Variants in MAPK4 observed in about 807,000 individuals in gnomAD.
MAPK4 encodes the protein Erk3-related.
MAPK4 carries 22 observed loss-of-function variants against 47.7 expected under a neutral mutation model. That is an observed-to-expected ratio of 0.46 (90% CI 0.33 to 0.66). The LOEUF is 0.66. Among genes scored for constraint, MAPK4 ranks in the 30% least tolerant of loss-of-function variants. The pLI, the probability that MAPK4 is intolerant of heterozygous loss-of-function variation, is 0.02. For synonymous variants in MAPK4, 390 were observed against 365.7 expected (o/e 1.07, Z -0.76); for missense variants, 736 against 831.7 (o/e 0.88, Z 1.42).
At chr18:50,727,674 C>G (rs1387129814) in intron 5 of MAPK4, among the ~76,000 whole-genome samples, 1 of 152,102 alleles carries the variant, frequency 6.6e-6, no homozygotes, top group Non-Finnish European at 1.5e-5. Flanking sequence ...AAAACTGTCA[C>G]AGGATTTGTT....
At chr18:50,683,998 T>C (rs1335576645) in intron 2 of MAPK4, among the ~76,000 whole-genome samples, 1 of 152,164 alleles carries the variant, frequency 6.6e-6, no homozygotes, top group East Asian at 1.9e-4. Flanking sequence ...TGGTCCCTTG[T>C]AGTCCTTCAT....
chr18:50,580,720 C>T (rs1253059220), intron 1 of MAPK4, among the ~76,000 whole-genome samples: 3 of 152,160 alleles, frequency 2.0e-5, no homozygotes, highest in Admixed American at 2.0e-4. Flanking sequence ...ACTGTTGGCC[C>T]TGCTCCGTGG....
chr18:50,718,513 C>T (rs1910758453), intron 3 of MAPK4, among the ~76,000 whole-genome samples: 1 of 152,190 alleles, frequency 6.6e-6, no homozygotes, highest in Non-Finnish European at 1.5e-5. Context: ...CCACTGCACC[C>T]AGCCTGCCAA....
At chr18:50,694,481 C>T (rs2144359658) in intron 2 of MAPK4, among the ~76,000 whole-genome samples, 1 of 152,354 alleles carries the variant, frequency 6.6e-6, no homozygotes, top group East Asian at 1.9e-4. Flanking sequence ...CTTGTATCTT[C>T]TCCATCCACC....
At chr18:50,633,057 T>G (rs534025968) in intron 1 of MAPK4, among the ~76,000 whole-genome samples, 1 of 152,356 alleles carries the variant, frequency 6.6e-6, no homozygotes, top group East Asian at 1.9e-4. Context: ...GGCTGTAGTC[T>G]GGATTCCTGG....
rs1908423560 is a variant in MAPK4, at chr18:50,678,861, T to G, written c.546+14357T>G. Among the ~76,000 whole-genome samples the G allele has an allele frequency of 6.6e-6, 1 of 152,156 alleles. No homozygotes were observed. The highest frequency in any genetic ancestry group is 6.5e-5 in the Admixed American group (1 of 15,282). On this transcript the variant is annotated intron_variant, in intron 2 of 5. Coordinates refer to ENST00000400384, the MANE Select transcript of MAPK4 (RefSeq NM_002747.4). This position sits in a 1 kb window ranked among gnomAD's most constrained non-coding sequence, Gnocchi z 4.2. ...CTTTTGTGGCATGGCGGCCCCACCT[T>G]TGGCTTTCAGATGACACGGCCAGCA... is the stretch of plus-strand genomic sequence containing the variant.
chr18:50,689,791 TG>T (rs1363365297), intron 2 of MAPK4, among the ~76,000 whole-genome samples: 1 of 152,222 alleles, frequency 6.6e-6, no homozygotes, highest in East Asian at 1.9e-4. Flanking sequence ...ATAAAGGCTC[TG>T]ATAAGTCCTG....
chr18:50,632,425 G>A (rs962632465), intron 1 of MAPK4, among the ~76,000 whole-genome samples: 4 of 152,076 alleles, frequency 2.6e-5, no homozygotes, highest in Admixed American at 6.5e-5. Context: ...ATGTCAAGAC[G>A]CTGCTCCTGA....
intron 1 of MAPK4, among the ~76,000 whole-genome samples, chr18:50,634,150 C>T (rs1431073227): frequency 6.6e-6 from 1 of 152,110 alleles, no homozygotes; most frequent in Non-Finnish European, 1.5e-5. Flanking sequence ...CCGGTGCCTC[C>T]CTTCCTATCA....
intron 1 of MAPK4, among the ~76,000 whole-genome samples, chr18:50,638,214 G>A (rs562130260): frequency 2.0e-5 from 3 of 152,236 alleles, no homozygotes; most frequent in African/African-American, 7.2e-5. Flanking sequence ...TTCTAGAGTG[G>A]AAAAAATCTC....
intron 1 of MAPK4, among the ~76,000 whole-genome samples, chr18:50,604,216 AT>A (rs1008466458): frequency 2.3e-4 from 35 of 152,326 alleles, no homozygotes; most frequent in African/African-American, 7.9e-4. Context: ...TATAGTGATG[AT>A]TTTGAGTTAC....
chr18:50,679,513 G>A (rs1050633926), intron 2 of MAPK4, among the ~76,000 whole-genome samples: 3 of 151,988 alleles, frequency 2.0e-5, no homozygotes, highest in African/African-American at 2.4e-5. Context: ...TGAGAGAAGC[G>A]AGTCAGGTTA....
At chr18:50,569,077 G>T (rs1263563014) in intron 1 of MAPK4, among the ~76,000 whole-genome samples, 1 of 152,080 alleles carries the variant, frequency 6.6e-6, no homozygotes, top group Non-Finnish European at 1.5e-5. Flanking sequence ...TGTTTGTTCT[G>T]GTTCTCATGC....
At chr18:50,719,803 C>T (rs180813688) in intron 3 of MAPK4, among the ~76,000 whole-genome samples, 1 of 152,246 alleles carries the variant, frequency 6.6e-6, no homozygotes, top group South Asian at 2.1e-4. Context: ...GGCCTCTCAT[C>T]TTCAGGCTCA....
At chr18:50,718,478 A>G (rs1401880087) in intron 3 of MAPK4, among the ~76,000 whole-genome samples, 1 of 152,162 alleles carries the variant, frequency 6.6e-6, no homozygotes, top group East Asian at 1.9e-4. Context: ...TCAGCCTCCC[A>G]AAGTGCTGGG....
chr18:50,588,603 G>A (rs2042408674), intron 1 of MAPK4, among the ~76,000 whole-genome samples: 1 of 152,098 alleles, frequency 6.6e-6, no homozygotes, highest in Non-Finnish European at 1.5e-5. Context: ...GGTTGTCCAG[G>A]CTGACCAGTG....
chr18:50,563,384 G>A (rs1294230076), intron 1 of MAPK4, among the ~76,000 whole-genome samples: 2 of 152,176 alleles, frequency 1.3e-5, no homozygotes, highest in Non-Finnish European at 2.9e-5. Context: ...TCTTCCTCTG[G>A]AATAGTTTCC....
In MAPK4 at chr18:50,726,058, G is replaced by C; in HGVS notation, c.950G>C (p.Cys317Ser). 6.2e-7 allele frequency: 1 copy of C among 1,614,064 alleles called. No homozygotes were observed. Residue 317 changes from cysteine (C) to serine (S), a missense_variant, in exon 5 of 6, where the codon TGC becomes TCC. Cys to Ser is a moderately radical substitution (Grantham distance 112). This residue lies in a region of MAPK4 where 32 missense variants were observed against 57.7 expected (regional missense o/e 0.55). Transcript: ENST00000400384. ...LQHPYMSPYS[C>S]PEDEPTSQHP... ...CACCCCTACATGAGCCCATACTCGT[G>C]CCCTGAGGACGAGCCCACCTCACAA...
chr18:50,678,878 C>T lies in MAPK4; in HGVS notation c.546+14374C>T, dbSNP rs1485932366. On this transcript the variant is annotated intron_variant, in intron 2 of 5. Coordinates refer to ENST00000400384, the MANE Select transcript of MAPK4 (RefSeq NM_002747.4). This position sits in a 1 kb window ranked among gnomAD's most constrained non-coding sequence, Gnocchi z 4.2. ...CCCCACCTTTGGCTTTCAGATGACACGGCCAGCAGGTTTTCTGGGGTATGG... is the reference window on the plus strand; with the variant it reads ...CCCCACCTTTGGCTTTCAGATGACATGGCCAGCAGGTTTTCTGGGGTATGG... Among the ~76,000 whole-genome samples the T allele has an allele frequency of 2.0e-5, 3 of 152,244 alleles. No individual in the cohort carries two copies. The highest frequency in any genetic ancestry group is 6.5e-5 in the Admixed American group (1 of 15,292).
Sources: allele counts gnomAD v4.1 joint callset (sites outside exome capture counted in the v4.1 genomes callset), GRCh38; gene constraint gnomAD v4.1.1; regional missense constraint gnomAD v4.1.1; non-coding constraint Gnocchi (gnomAD v3.1); transcripts MANE v1.5; gene names NCBI Gene and HGNC (gene_info 2026-07-23, HGNC 2026-07-21).